NMNAT3: variants seen among roughly 807,000 people sequenced by gnomAD.
NMNAT3 encodes nicotinamide/nicotinic acid mononucleotide adenylyltransferase 3.
Under a neutral mutation model 24.8 loss-of-function variants are expected in NMNAT3, and 21 were observed. That is an observed-to-expected ratio of 0.85 (90% CI 0.60 to 1.22). The LOEUF is 1.22. Ranked by LOEUF, NMNAT3 falls within the 50% of genes most tolerant of loss-of-function variation. The pLI is 0.00. For missense variants in NMNAT3, 387 were observed against 436.6 expected (o/e 0.89, Z 1.01); for synonymous variants, 136 against 155.2 (o/e 0.88, Z 0.92).
intron 5 of NMNAT3, chr3:139,575,901 A>G: frequency 7.8e-7 from 1 of 1,281,842 alleles, no homozygotes; most frequent in Non-Finnish European, 1.0e-6. Context: ...AGATGGCCAT[A>G]AGCATGGCTT....
At chr3:139,567,285 T>C (rs1156545812) in intron 6 of NMNAT3, 1 of 151,940 alleles carries the variant, frequency 6.6e-6, no homozygotes, top group Non-Finnish European at 1.5e-5. Context: ...TTTCTAGATA[T>C]ACAATCATGT....
Position 139,573,528 on chromosome 3 carries a change from C to T in NMNAT3, c.658+70G>A, listed in dbSNP as rs1938770649. 3 of 913,914 alleles carry T rather than the reference C, an allele frequency of 3.3e-6. No individual in the cohort carries two copies. In the South Asian group the frequency reaches 5.7e-5, roughly 17 times the overall value. 56.6% of individuals were successfully genotyped at this position (913,914 alleles called of 1,614,324 possible). ...CAAGTCCTCTGCAGCTGTGACCACC[C>T]CTACCCCCTTCAGTTCTCACAGAAT... On this transcript the variant is annotated intron_variant, in intron 6 of 6. Transcript: ENST00000643695.
chr3:139,671,166 G>T (rs1383211632), intron 1 of NMNAT3, among the ~76,000 whole-genome samples: 2 of 152,176 alleles, frequency 1.3e-5, no homozygotes, highest in African/African-American at 2.4e-5. Flanking sequence ...TATGAAAAAG[G>T]TTATCCATAA....
intron 3 of NMNAT3, among the ~76,000 whole-genome samples, chr3:139,622,281 C>G (rs371512805): frequency 6.6e-6 from 1 of 152,050 alleles, no homozygotes; most frequent in South Asian, 2.1e-4. Flanking sequence ...CCATTCTGAC[C>G]GGGTAAGATG....
intron 3 of NMNAT3, among the ~76,000 whole-genome samples, chr3:139,589,758 T>C (rs1476522035): frequency 6.6e-6 from 1 of 152,166 alleles, no homozygotes; most frequent in African/African-American, 2.4e-5. Flanking sequence ...GCTCACAACA[T>C]GAATGAAAAT....
intron 3 of NMNAT3, among the ~76,000 whole-genome samples, chr3:139,622,789 A>G (rs1001601000): frequency 2.1e-5 from 3 of 142,678 alleles, no homozygotes; most frequent in Admixed American, 1.5e-4. Context: ...TGATATATAT[A>G]TGATATATAT....
intron 4 of NMNAT3, among the ~76,000 whole-genome samples, chr3:139,579,462 G>A (rs187232336): frequency 6.6e-6 from 1 of 152,284 alleles, no homozygotes; most frequent in Admixed American, 6.5e-5. Flanking sequence ...ATTATATATA[G>A]TTTCTTAGCC....
chr3:139,609,369 C>T (rs1038718344), intron 3 of NMNAT3, among the ~76,000 whole-genome samples: 7 of 152,174 alleles, frequency 4.6e-5, no homozygotes, highest in Middle Eastern at 3.2e-3. Flanking sequence ...ATAAGAGGTG[C>T]AGTTTCTCGG....
At chr3:139,564,876 T>C (rs1936937861) in intron 6 of NMNAT3, among the ~76,000 whole-genome samples, 1 of 152,234 alleles carries the variant, frequency 6.6e-6, no homozygotes, top group Non-Finnish European at 1.5e-5. Context: ...ATGGAATGTA[T>C]GGAAAATATG....
intron 3 of NMNAT3, among the ~76,000 whole-genome samples, chr3:139,614,937 A>G (rs2055415349): frequency 6.6e-6 from 1 of 152,166 alleles, no homozygotes; most frequent in Non-Finnish European, 1.5e-5. Context: ...TGATTACACT[A>G]TTCCTCCTGC....
At chr3:139,624,176 CTAATA>C (rs976189478) in intron 3 of NMNAT3, among the ~76,000 whole-genome samples, 3 of 151,658 alleles carry the variant, frequency 2.0e-5, no homozygotes, top group African/African-American at 4.8e-5. Flanking sequence ...CCTTTTTTTC[CTAATA>C]TAATATTTCG....
intron 3 of NMNAT3, chr3:139,584,129 T>C (rs1239332930): frequency 6.5e-6 from 1 of 154,090 alleles, no homozygotes; most frequent in African/African-American, 2.4e-5. Flanking sequence ...TTCTACTCTA[T>C]TGGTGTTATT....
intron 3 of NMNAT3, among the ~76,000 whole-genome samples, chr3:139,593,418 C>A (rs2054294435): frequency 6.6e-6 from 1 of 152,138 alleles, no homozygotes; most frequent in South Asian, 2.1e-4. Context: ...AGAAAGTTAA[C>A]AAGGATACCC....
At chr3:139,591,902 A>C (rs553136134) in intron 3 of NMNAT3, among the ~76,000 whole-genome samples, 154 of 150,068 alleles carry the variant, frequency 1.0e-3, no homozygotes, top group African/African-American at 3.4e-3. Context: ...AACTCTAAAA[A>C]TCAGAGCGCC....
At position 139,602,617 on chromosome 3, in the gene NMNAT3, G is replaced by A. The variant is rs555817609; in HGVS notation, c.110-19409C>T. 5.1e-4 allele frequency among the ~76,000 whole-genome samples: 78 copies of A among 152,294 alleles called. No homozygotes were observed. In the South Asian group the frequency reaches 6.2e-3, roughly 12 times the overall value. On this transcript the variant is annotated intron_variant, in intron 3 of 6. Coordinates refer to ENST00000643695, the MANE Select transcript of NMNAT3 (RefSeq NM_001320510.2). ...CCCAGGCAATTCTTATGTGCTAGTG[G>A]AGAACCACAGATTGGCATTGGCTAT...
chr3:139,588,317 C>T (rs930255457), intron 3 of NMNAT3, among the ~76,000 whole-genome samples: 3 of 152,104 alleles, frequency 2.0e-5, no homozygotes, highest in African/African-American at 7.2e-5. Context: ...GGTAACACGA[C>T]GAGCACATTA....
intron 3 of NMNAT3, among the ~76,000 whole-genome samples, chr3:139,620,843 T>C (rs559635450): frequency 6.6e-6 from 1 of 152,320 alleles, no homozygotes; most frequent in East Asian, 1.9e-4. Flanking sequence ...ATCTATGACA[T>C]TGTGCAGTGG....
chr3:139,582,364 G>C (rs181998357), intron 4 of NMNAT3, among the ~76,000 whole-genome samples: 1 of 151,432 alleles, frequency 6.6e-6, no homozygotes, highest in Admixed American at 6.6e-5. Flanking sequence ...CACTTAGGCC[G>C]GACATGATAG....
chr3:139,573,717 C>T, intron 5 of NMNAT3, 37 bp from the exon 6 acceptor site: 3 of 1,222,398 alleles, frequency 2.5e-6, no homozygotes, highest in Non-Finnish European at 3.4e-6. Flanking sequence ...GTATGTCTGT[C>T]CTCCAGCCCT....
Sources: allele counts gnomAD v4.1 joint callset (sites outside exome capture counted in the v4.1 genomes callset), GRCh38; gene constraint gnomAD v4.1.1; transcripts MANE v1.5; gene names NCBI Gene and HGNC (gene_info 2026-07-23, HGNC 2026-07-21).